Variants in RBFOX1 observed in about 807,000 individuals in gnomAD.
The protein encoded by RBFOX1 is RNA binding fox-1 homolog 1, also known as RNA binding protein fox-1 homolog 1.
RBFOX1 carries 8 observed loss-of-function variants against 57.7 expected under a neutral mutation model. The observed-to-expected ratio is 0.14, with a 90% CI of 0.08 to 0.25. The LOEUF is 0.25. RBFOX1 is among the 10% of genes least tolerant of loss of function. The pLI is 1.00. For synonymous variants in RBFOX1, 326 were observed against 222.4 expected (o/e 1.47, Z -4.15); for missense variants, 611 against 548.5 (o/e 1.11, Z -1.14).
In RBFOX1 at chr16:7,519,627, G is replaced by A. The variant is rs1328913023; in HGVS notation, c.270+1238G>A. 7 of 884,582 alleles carry A rather than the reference G, an allele frequency of 7.9e-6. No homozygotes were observed. In the East Asian group the frequency reaches 6.0e-4, roughly 76 times the overall value. The allele number at this position is 884,582 out of a possible 1,614,324, so 54.8% of individuals were successfully genotyped here. A position where few individuals can be genotyped will look rare whatever the true frequency, so the allele number is the denominator to read the frequency against. On this transcript the variant is annotated intron_variant, in intron 5 of 15. Coordinates refer to ENST00000550418, the MANE Select transcript of RBFOX1 (RefSeq NM_018723.4). Reference sequence around the variant, plus strand: ...ATCATGCATACCACAAAACCTGTATGGAACATGCATTTGGGAACCTTTTTC... The same window carrying A: ...ATCATGCATACCACAAAACCTGTATAGAACATGCATTTGGGAACCTTTTTC...
intron 4 of RBFOX1, among the ~76,000 whole-genome samples, chr16:5,950,773 C>CT (rs1262483727): frequency 2.0e-5 from 3 of 151,894 alleles, no homozygotes; most frequent in South Asian, 2.1e-4. Context: ...GAGTAAGATG[C>CT]TTTTTTTTCC....
At chr16:5,678,496 C>G (rs568088781) in intron 3 of RBFOX1, among the ~76,000 whole-genome samples, 27 of 152,276 alleles carry the variant, frequency 1.8e-4, no homozygotes, top group African/African-American at 6.5e-4. Context: ...AGGGCAAGGT[C>G]TTCATGATGA....
chr16:6,908,071 C>T (rs2070536983), intron 3 of RBFOX1, among the ~76,000 whole-genome samples: 1 of 151,678 alleles, frequency 6.6e-6, no homozygotes, highest in Admixed American at 6.6e-5. Flanking sequence ...CTGCAGAGAC[C>T]CCATTTCCAA....
At chr16:6,249,817 C>A (rs2097593712) in intron 1 of RBFOX1, among the ~76,000 whole-genome samples, 1 of 146,920 alleles carries the variant, frequency 6.8e-6, no homozygotes, top group Non-Finnish European at 1.5e-5. Context: ...GGTACGTGTG[C>A]ACAATGTGCA....
At position 6,841,974 on chromosome 16, in the gene RBFOX1, T is replaced by TAAA. The variant is rs57783370; in HGVS notation, c.-16+187332_-16+187334dup. Among the ~76,000 whole-genome samples, 1,470 of 147,728 alleles carry TAAA rather than the reference T, an allele frequency of 1.0e-2. 31 individuals carry two copies. The highest frequency in any genetic ancestry group is 0.034 in the African/African-American group (1,368 of 40,088). ...TAATACGGTGAAACCCCGTCTCTAT[T>TAAA]AAAAAAAAAATACAAAAAATTAGCC... On this transcript the variant is annotated intron_variant, in intron 3 of 15. Coordinates refer to ENST00000550418, the MANE Select transcript of RBFOX1 (RefSeq NM_018723.4).
intron 1 of RBFOX1, among the ~76,000 whole-genome samples, chr16:5,389,458 T>C (rs1465985967): frequency 6.6e-6 from 1 of 152,088 alleles, no homozygotes; most frequent in Non-Finnish European, 1.5e-5. Context: ...ACCCCTGCAG[T>C]TGTGAAACCC....
At chr16:7,571,730 A>G (rs1447377499) in intron 5 of RBFOX1, among the ~76,000 whole-genome samples, 1 of 152,038 alleles carries the variant, frequency 6.6e-6, no homozygotes, top group Non-Finnish European at 1.5e-5. Context: ...CCGCCTGGAA[A>G]CCCACCTCTT....
intron 2 of RBFOX1, among the ~76,000 whole-genome samples, chr16:5,587,291 A>G (rs2046864532): frequency 6.6e-6 from 1 of 152,248 alleles, no homozygotes; most frequent in Non-Finnish European, 1.5e-5. Context: ...ACATTCCTCC[A>G]AAGAAGATTC....
intron 4 of RBFOX1, among the ~76,000 whole-genome samples, chr16:7,338,548 T>C (rs994163646): frequency 6.6e-6 from 1 of 152,122 alleles, no homozygotes; most frequent in African/African-American, 2.4e-5. Context: ...ACCACTATGC[T>C]CAGCTTTTTT....
intron 4 of RBFOX1, among the ~76,000 whole-genome samples, chr16:5,964,539 A>G (rs1461004720): frequency 6.6e-6 from 1 of 152,194 alleles, no homozygotes; most frequent in Non-Finnish European, 1.5e-5. Flanking sequence ...ATACTTGTAT[A>G]CATAGATATA....
intron 4 of RBFOX1, among the ~76,000 whole-genome samples, chr16:7,091,817 A>T (rs543444678): frequency 6.6e-6 from 1 of 152,358 alleles, no homozygotes; most frequent in South Asian, 2.1e-4. Flanking sequence ...TTAACTGAGT[A>T]TAGAGATGGC....
chr16:6,394,991 T>C (rs1386466717), intron 2 of RBFOX1, among the ~76,000 whole-genome samples: 2 of 152,210 alleles, frequency 1.3e-5, no homozygotes, highest in African/African-American at 4.8e-5. Flanking sequence ...GATGTACAGA[T>C]AGGAAAATGA....
At chr16:7,428,700 A>G (rs2098648346) in intron 4 of RBFOX1, among the ~76,000 whole-genome samples, 1 of 151,800 alleles carries the variant, frequency 6.6e-6, no homozygotes, top group Non-Finnish European at 1.5e-5. Context: ...AGCGAAGACC[A>G]AACATTGGAG....
At chr16:6,753,783 T>C (rs921447634) in intron 3 of RBFOX1, among the ~76,000 whole-genome samples, 1 of 152,160 alleles carries the variant, frequency 6.6e-6, no homozygotes, top group Admixed American at 6.6e-5. Flanking sequence ...GAGAGAATGC[T>C]GCCACAGCTG....
intron 1 of RBFOX1, among the ~76,000 whole-genome samples, chr16:6,220,489 C>G (rs1051449483): frequency 6.6e-6 from 1 of 152,150 alleles, no homozygotes; most frequent in Non-Finnish European, 1.5e-5. Context: ...GTCCTGTAGA[C>G]TATATTGAGT....
At chr16:6,275,386 A>G (rs2152685262) in intron 1 of RBFOX1, among the ~76,000 whole-genome samples, 1 of 152,336 alleles carries the variant, frequency 6.6e-6, no homozygotes, top group South Asian at 2.1e-4. Flanking sequence ...CACTCACTGT[A>G]ATAACAACTG....
At chr16:7,552,292 A>G (rs2086800346) in intron 5 of RBFOX1, among the ~76,000 whole-genome samples, 1 of 152,114 alleles carries the variant, frequency 6.6e-6, no homozygotes, top group South Asian at 2.1e-4. Flanking sequence ...ATCAGCAGCT[A>G]TAGTTTCTTA....
At chr16:5,657,640 C>CTTTG (rs2049476555) in intron 3 of RBFOX1, among the ~76,000 whole-genome samples, 1 of 142,828 alleles carries the variant, frequency 7.0e-6, no homozygotes, top group African/African-American at 2.7e-5. Flanking sequence ...TTCTTTCTTT[C>CTTTG]TTTCTTTCTT....
intron 4 of RBFOX1, among the ~76,000 whole-genome samples, chr16:7,069,706 G>C (rs1323437130): frequency 1.3e-5 from 2 of 152,166 alleles, no homozygotes; most frequent in African/African-American, 4.8e-5. Flanking sequence ...GCTAGAGTAA[G>C]TGGGGCAGCA....
Sources: gnomAD v4.1 joint callset for allele counts (sites outside exome capture counted in the v4.1 genomes callset) on GRCh38, gnomAD v4.1.1 for gene constraint, MANE v1.5 for transcripts, NCBI Gene and HGNC (gene_info 2026-07-23, HGNC 2026-07-21) for gene names.